MACROD2: variants seen among roughly 807,000 people sequenced by gnomAD.
MACROD2 encodes mono-ADP ribosylhydrolase 2, also known as ADP-ribose glycohydrolase MACROD2.
In MACROD2, 36 loss-of-function variants were observed where a neutral mutation model predicts 70.4. The ratio of observed to expected loss-of-function variants is 0.51; its 90% CI spans 0.39 to 0.68. The LOEUF (loss-of-function observed/expected upper bound fraction) is 0.68. Ranked by LOEUF, MACROD2 falls within the 30% of genes least tolerant of loss-of-function variation. The probability of loss-of-function intolerance (pLI) is 0.00; values close to 1 mark genes in which losing one functional copy is unlikely to be tolerated. For missense variants in MACROD2, 496 were observed against 538.4 expected (o/e 0.92, Z 0.78); for synonymous variants, 172 against 178.8 (o/e 0.96, Z 0.30).
intron 8 of MACROD2, among the ~76,000 whole-genome samples, chr20:15,550,703 T>C (rs1434806571): frequency 6.6e-6 from 1 of 152,250 alleles, no homozygotes. Flanking sequence ...TATTGATGGC[T>C]GCAAACTGAT....
At position 14,217,149 on chromosome 20, in the gene MACROD2, T is replaced by C. The variant is rs189698263; in HGVS notation, c.271+131421T>C. On this transcript the variant is annotated intron_variant, in intron 3 of 17. Transcript: ENST00000684519. ...TATTTTGTTGGCTGTGGGTTTGTCA[T>C]AGATGGCTTTTATTGCATTAAGGTA... Among the ~76,000 whole-genome samples, 29 of 152,318 alleles carry C rather than the reference T, an allele frequency of 1.9e-4. No homozygotes were observed. In the East Asian group the frequency reaches 5.0e-3, roughly 26 times the overall value.
chr20:14,982,897 A>G (rs2074814413), intron 5 of MACROD2, among the ~76,000 whole-genome samples: 1 of 152,184 alleles, frequency 6.6e-6, no homozygotes, highest in Non-Finnish European at 1.5e-5. Flanking sequence ...TCCAGACCCC[A>G]GAATGGTAGA....
At chr20:15,211,672 A>G (rs1479300322) in intron 5 of MACROD2, among the ~76,000 whole-genome samples, 1 of 151,964 alleles carries the variant, frequency 6.6e-6, no homozygotes, top group East Asian at 1.9e-4. Context: ...CATGATCGTA[A>G]GCGTCCTGAG....
intron 8 of MACROD2, among the ~76,000 whole-genome samples, chr20:15,705,576 C>T (rs1291010799): frequency 2.6e-5 from 4 of 152,158 alleles, no homozygotes; most frequent in East Asian, 1.9e-4. Flanking sequence ...CCCTCCACCA[C>T]GTCTGGTTAA....
intron 6 of MACROD2, among the ~76,000 whole-genome samples, chr20:15,261,877 T>C (rs996494982): frequency 3.3e-5 from 5 of 151,938 alleles, no homozygotes; most frequent in African/African-American, 1.2e-4. Context: ...CTGCCTATCA[T>C]GACTTTTTAT....
chr20:14,928,077 G>T (rs996986646), intron 5 of MACROD2, among the ~76,000 whole-genome samples: 1 of 152,204 alleles, frequency 6.6e-6, no homozygotes, highest in African/African-American at 2.4e-5. Flanking sequence ...GATTTTCCAG[G>T]TTAAGCAGAA....
chr20:14,540,119 A>C (rs547783374), intron 4 of MACROD2, among the ~76,000 whole-genome samples: 2 of 152,328 alleles, frequency 1.3e-5, no homozygotes, highest in African/African-American at 4.8e-5. Flanking sequence ...AATTAATAAC[A>C]TAGCCATCAT....
intron 12 of MACROD2, among the ~76,000 whole-genome samples, chr20:15,943,889 TAGTC>T (rs1459989647): frequency 6.6e-6 from 1 of 152,154 alleles, no homozygotes; most frequent in Non-Finnish European, 1.5e-5. Flanking sequence ...TAAAAGCATA[TAGTC>T]ATTTTCCCTT....
intron 3 of MACROD2, among the ~76,000 whole-genome samples, chr20:14,274,338 G>A (rs376070197): frequency 4.6e-5 from 7 of 151,670 alleles, no homozygotes; most frequent in East Asian, 3.9e-4. Context: ...AGGCTGGTTC[G>A]ATATACGCAA....
chr20:15,896,536 CTTTTTT>C (rs11438756), intron 10 of MACROD2, among the ~76,000 whole-genome samples: 3 of 144,830 alleles, frequency 2.1e-5, no homozygotes, highest in Non-Finnish European at 4.5e-5. Flanking sequence ...ATGTCACAAT[CTTTTTT>C]TTTTTTTTCT....
At chr20:14,045,310 G>T (rs1371722307) in intron 2 of MACROD2, among the ~76,000 whole-genome samples, 1 of 152,226 alleles carries the variant, frequency 6.6e-6, no homozygotes, top group Non-Finnish European at 1.5e-5. Flanking sequence ...GAGAGCAAGC[G>T]AGGGCTGCCA....
At chr20:15,457,388 G>T (rs756663875) in intron 7 of MACROD2, among the ~76,000 whole-genome samples, 13 of 152,096 alleles carry the variant, frequency 8.5e-5, no homozygotes, top group Non-Finnish European at 1.6e-4. Flanking sequence ...CTTTCTGAGA[G>T]TTAGATGCAT....
intron 5 of MACROD2, among the ~76,000 whole-genome samples, chr20:15,066,806 C>T (rs973358074): frequency 5.3e-5 from 8 of 151,648 alleles, no homozygotes; most frequent in East Asian, 2.0e-4. Context: ...CGCTTGAACC[C>T]GCAAGGCGGA....
chr20:14,310,033 GGA>G (rs911288661), intron 3 of MACROD2, among the ~76,000 whole-genome samples: 48 of 152,174 alleles, frequency 3.2e-4, no homozygotes, highest in African/African-American at 1.1e-3. Context: ...GGGGCTTGCT[GGA>G]AAGGAAGTTA....
At chr20:15,535,764 T>A (rs1478533940) in intron 8 of MACROD2, among the ~76,000 whole-genome samples, 2 of 152,206 alleles carry the variant, frequency 1.3e-5, no homozygotes, top group South Asian at 4.1e-4. Flanking sequence ...ATTTTCATAA[T>A]GAGTGTTCAT....
intron 4 of MACROD2, among the ~76,000 whole-genome samples, chr20:14,589,841 T>C (rs1003850484): frequency 1.3e-5 from 2 of 152,188 alleles, no homozygotes; most frequent in African/African-American, 4.8e-5. Flanking sequence ...AAATGCTACA[T>C]ACTGCTGTAT....
intron 10 of MACROD2, among the ~76,000 whole-genome samples, chr20:15,902,509 C>T (rs949075870): frequency 2.0e-5 from 3 of 152,048 alleles, no homozygotes; most frequent in African/African-American, 7.2e-5. Context: ...ATTATTATCT[C>T]GGAGTTTCTG....
chr20:15,859,398 T>C (rs945485923), intron 8 of MACROD2, among the ~76,000 whole-genome samples: 28 of 152,214 alleles, frequency 1.8e-4, no homozygotes, highest in African/African-American at 6.7e-4. Flanking sequence ...CATTTCCCAA[T>C]GAGGGGAGTA....
intron 8 of MACROD2, among the ~76,000 whole-genome samples, chr20:15,782,926 T>TC (rs1419806118): frequency 2.0e-5 from 3 of 152,074 alleles, no homozygotes; most frequent in Non-Finnish European, 4.4e-5. Context: ...AGGGTTTTTT[T>TC]CCCCTTAATG....
Sources: gnomAD v4.1 joint callset for allele counts (sites outside exome capture counted in the v4.1 genomes callset) on GRCh38, gnomAD v4.1.1 for gene constraint, MANE v1.5 for transcripts, NCBI Gene and HGNC (gene_info 2026-07-23, HGNC 2026-07-21) for gene names.